The following RMDN2 variants were observed in gnomAD, a reference collection of about 807,000 sequenced individuals.
RMDN2 encodes regulator of microtubule dynamics protein 2.
Under a neutral mutation model 52.8 loss-of-function variants are expected in RMDN2, and 61 were observed. The observed-to-expected ratio is 1.16, with a 90% CI of 0.94 to 1.43. The LOEUF (loss-of-function observed/expected upper bound fraction) is 1.43, where lower values mean the gene tolerates loss of function less well. Among genes scored for constraint, RMDN2 ranks in the 40% most tolerant of loss-of-function variants. The pLI is 0.00. For missense variants in RMDN2, 592 were observed against 475.3 expected, an observed-to-expected ratio of 1.25 and a Z score of -2.28; for synonymous variants, 180 against 153.1, an observed-to-expected ratio of 1.18 and a Z score of -1.30.
At chr2:38,000,736 GTTAAC>G (rs1385950836) in intron 8 of RMDN2, among the ~76,000 whole-genome samples, 1 of 152,144 alleles carries the variant, frequency 6.6e-6, no homozygotes, top group Non-Finnish European at 1.5e-5. Flanking sequence ...TTGTTTATGT[GTTAAC>G]TTACTGATAG....
chr2:37,984,635 T>C (rs6738545), intron 5 of RMDN2, among the ~76,000 whole-genome samples: 65,251 of 152,068 alleles, frequency 0.43, 15,614 homozygotes, highest in East Asian at 0.78. Context: ...TGGTGCTGAA[T>C]GAGAAATACT....
chr2:38,007,931 A>C (rs1243452743), intron 10 of RMDN2, among the ~76,000 whole-genome samples: 1 of 152,224 alleles, frequency 6.6e-6, no homozygotes, highest in African/African-American at 2.4e-5. Context: ...GTTTCAAAGA[A>C]CATCTTTATT....
chr2:38,019,716 T>C (rs1252870025), downstream of RMDN2, among the ~76,000 whole-genome samples: 2 of 152,100 alleles, frequency 1.3e-5, no homozygotes, highest in African/African-American at 4.8e-5. Flanking sequence ...GGAGGATTCA[T>C]TGAGCTCAGG....
chr2:38,013,612 C>T (rs958181229), intron 10 of RMDN2, among the ~76,000 whole-genome samples: 2 of 152,212 alleles, frequency 1.3e-5, no homozygotes, highest in African/African-American at 4.8e-5. Flanking sequence ...GTAACAAAAT[C>T]CTAATTCTGC....
In RMDN2 at chr2:38,011,405, A is replaced by G. The variant is rs1190010302; in HGVS notation, c.1180-5781A>G. Among the ~76,000 whole-genome samples, 4 of 152,208 alleles carry G rather than the reference A, an allele frequency of 2.6e-5. No homozygotes were observed. The South Asian group carries it at 6.2e-4, about 24-fold the overall frequency. The stretch of plus-strand genomic sequence containing the variant: ...TGGGAACAACAACAAAAAAATAGGT[A>G]TATATTTTCCTCCTTTTCTCATACC... On this transcript the variant is annotated intron_variant, in intron 10 of 10. Coordinates refer to ENST00000354545, the MANE Select transcript of RMDN2 (RefSeq NM_001170791.3).
At chr2:37,946,772 A>T (rs569421264) in intron 2 of RMDN2, among the ~76,000 whole-genome samples, 1 of 152,146 alleles carries the variant, frequency 6.6e-6, no homozygotes, top group South Asian at 2.1e-4. Context: ...CTGGTGATTG[A>T]ATTGATCCAG....
chr2:38,046,696 G>A (rs1013402641), intron 10 of RMDN2, among the ~76,000 whole-genome samples: 4 of 152,060 alleles, frequency 2.6e-5, no homozygotes, highest in Non-Finnish European at 5.9e-5. Context: ...AAAAAAATAA[G>A]AATCCAGGCC....
chr2:37,996,948 T>C (rs567384294), intron 7 of RMDN2, among the ~76,000 whole-genome samples: 57 of 152,288 alleles, frequency 3.7e-4, no homozygotes, highest in Non-Finnish European at 5.9e-4. Flanking sequence ...TCTGAGATGC[T>C]ACCTCTGGGT....
At chr2:37,927,827 T>C (rs2124880752) in intron 1 of RMDN2, among the ~76,000 whole-genome samples, 1 of 152,360 alleles carries the variant, frequency 6.6e-6, no homozygotes, top group Admixed American at 6.5e-5. Flanking sequence ...GTAGAATACA[T>C]TTACACATCT....
chr2:38,051,602 G>T (rs1271242283), intron 10 of RMDN2, among the ~76,000 whole-genome samples: 9 of 152,086 alleles, frequency 5.9e-5, no homozygotes, highest in African/African-American at 2.2e-4. Flanking sequence ...TCACCCTTCT[G>T]TTTTCAAATA....
intron 7 of RMDN2, among the ~76,000 whole-genome samples, chr2:37,993,375 G>A (rs1675080297): frequency 6.6e-6 from 1 of 152,150 alleles, no homozygotes; most frequent in South Asian, 2.1e-4. Context: ...AATAAAGCAA[G>A]TATGAGCAAA....
At chr2:37,975,452 C>G (rs1048078887) in intron 4 of RMDN2, 138 bp downstream of exon 4, 3 of 538,584 alleles carry the variant, frequency 5.6e-6, no homozygotes, top group African/African-American at 3.9e-5. Flanking sequence ...CAAACTAACA[C>G]AAGAACAGAA....
chr2:38,056,997 C>T (rs1399991264), intron 10 of RMDN2, among the ~76,000 whole-genome samples: 3 of 152,108 alleles, frequency 2.0e-5, no homozygotes, highest in African/African-American at 7.2e-5. Flanking sequence ...GGGGTCTTAG[C>T]TTTGTGGGTT....
At chr2:37,938,408 A>C (rs557903198) in intron 2 of RMDN2, among the ~76,000 whole-genome samples, 2 of 152,348 alleles carry the variant, frequency 1.3e-5, no homozygotes, top group South Asian at 4.1e-4. Context: ...TGCTGGCCTC[A>C]TAAAATGAGT....
chr2:37,940,132 C>T (rs1667657938), intron 2 of RMDN2, among the ~76,000 whole-genome samples: 1 of 152,172 alleles, frequency 6.6e-6, no homozygotes, highest in Non-Finnish European at 1.5e-5. Context: ...ATTTCTTCTT[C>T]ACTTGTGAAG....
At chr2:38,004,842 T>C (rs112573759) in intron 10 of RMDN2, among the ~76,000 whole-genome samples, 2 of 151,256 alleles carry the variant, frequency 1.3e-5, no homozygotes, top group Non-Finnish European at 3.0e-5. Flanking sequence ...ATGCTATCCC[T>C]CCCCACTCCC....
chr2:38,051,853 AT>A (rs527941432), intron 10 of RMDN2, among the ~76,000 whole-genome samples: 210 of 147,906 alleles, frequency 1.4e-3, no homozygotes, highest in East Asian at 4.3e-3. Flanking sequence ...AAATGACATG[AT>A]TTTTTTTTTT....
chr2:38,046,936 T>C (rs1250512191), intron 10 of RMDN2, among the ~76,000 whole-genome samples: 1 of 151,544 alleles, frequency 6.6e-6, no homozygotes. Flanking sequence ...AGAGCCGAGA[T>C]TGCGCCACTG....
At chr2:38,004,459 CAT>C (rs1047000579) in intron 10 of RMDN2, among the ~76,000 whole-genome samples, 5 of 152,172 alleles carry the variant, frequency 3.3e-5, no homozygotes, top group Admixed American at 1.3e-4. Context: ...CATCGCCTCA[CAT>C]AGTTACTTTT....
Sources: allele counts gnomAD v4.1 joint callset (sites outside exome capture counted in the v4.1 genomes callset), GRCh38; gene constraint gnomAD v4.1.1; transcripts MANE v1.5; gene names NCBI Gene and HGNC (gene_info 2026-07-23, HGNC 2026-07-21).